ANKS1B: variants seen among roughly 807,000 people sequenced by gnomAD.
ANKS1B encodes the protein ankyrin repeat and sterile alpha motif domain containing 1B, also known as ankyrin repeat and sterile alpha motif domain-containing protein 1B.
In ANKS1B, 36 loss-of-function variants were observed where a neutral mutation model predicts 148.3. The observed-to-expected ratio is 0.24, with a 90% CI of 0.19 to 0.32. ANKS1B has a LOEUF of 0.32. ANKS1B is among the 10% of genes least tolerant of loss of function. The probability of loss-of-function intolerance (pLI) is 1.00; values close to 1 mark genes in which losing one functional copy is unlikely to be tolerated. For synonymous variants in ANKS1B, 542 were observed against 560.8 expected (o/e 0.97, Z 0.47); for missense variants, 1,157 against 1,542.6 (o/e 0.75, Z 4.19).
chr12:99,097,900 T>C (rs2056731677), intron 15 of ANKS1B, among the ~76,000 whole-genome samples: 2 of 152,214 alleles, frequency 1.3e-5, no homozygotes, highest in South Asian at 4.1e-4. Context: ...TGAAGAATAA[T>C]TAATTCTTCT....
intron 15 of ANKS1B, among the ~76,000 whole-genome samples, chr12:99,101,039 A>G (rs965076439): frequency 9.2e-5 from 14 of 152,184 alleles, no homozygotes; most frequent in African/African-American, 3.4e-4. Context: ...TGCAGCATGA[A>G]CAAGGGCAAT....
At chr12:99,310,898 T>C (rs2083051489) in intron 12 of ANKS1B, among the ~76,000 whole-genome samples, 1 of 152,180 alleles carries the variant, frequency 6.6e-6, no homozygotes, top group South Asian at 2.1e-4. Context: ...TTACTGCCTA[T>C]GTGACTCTCA....
rs190712013 is a variant in ANKS1B, at chr12:99,752,924, C to T, written c.1128+19998G>A. On this transcript the variant is annotated intron_variant, in intron 8 of 26. Coordinates refer to ENST00000683438, the MANE Select transcript of ANKS1B (RefSeq NM_001352186.2). ...TATGTCAAATTAACTTCCCTTTGTACTTAGTCATAGTCATACCCTGAGGCA... is the reference window on the plus strand; with the variant it reads ...TATGTCAAATTAACTTCCCTTTGTATTTAGTCATAGTCATACCCTGAGGCA... Among the ~76,000 whole-genome samples, 13 of 152,098 alleles carry T rather than the reference C, an allele frequency of 8.5e-5. No individual in the cohort carries two copies. In the East Asian group the frequency reaches 2.5e-3, roughly 29 times the overall value.
chr12:99,037,573 G>A (rs546771508), intron 17 of ANKS1B, among the ~76,000 whole-genome samples: 1 of 152,178 alleles, frequency 6.6e-6, no homozygotes, highest in East Asian at 1.9e-4. Flanking sequence ...AGCATCTATG[G>A]CACACAGGCA....
At chr12:98,996,812 C>CAAAAAAA (rs1160748107) in intron 17 of ANKS1B, among the ~76,000 whole-genome samples, 8 of 40,634 alleles carry the variant, frequency 2.0e-4, no homozygotes, top group South Asian at 1.6e-3. Context: ...GACTCTATCT[C>CAAAAAAA]AAAAAAAAAA....
chr12:99,299,248 A>G (rs911445490), intron 12 of ANKS1B, among the ~76,000 whole-genome samples: 1 of 151,946 alleles, frequency 6.6e-6, no homozygotes, highest in African/African-American at 2.4e-5. Context: ...TTTTGTAGAG[A>G]CGAGGTCTCG....
intron 8 of ANKS1B, among the ~76,000 whole-genome samples, chr12:99,675,972 T>A (rs1397575647): frequency 6.6e-6 from 1 of 152,146 alleles, no homozygotes; most frequent in Non-Finnish European, 1.5e-5. Context: ...TCAAATCTCA[T>A]CTTGAATTGT....
In ANKS1B at chr12:99,059,808, A is replaced by G. The variant is rs909824410; in HGVS notation, c.2626-6499T>C. On this transcript the variant is annotated intron_variant, in intron 16 of 26. Transcript: ENST00000683438. The stretch of plus-strand genomic sequence containing the variant: ...AAATTCATATATATATATATATATG[A>G]TAGGACGTGTAGACTAAAGGTCAGA... 1.8e-4 allele frequency among the ~76,000 whole-genome samples: 6 copies of G among 32,640 alleles called. No homozygotes were observed. The Admixed American group carries it at 2.5e-3, about 14-fold the overall frequency. The allele number at this position is 32,640 out of a possible 152,430, so 21.4% of individuals were successfully genotyped here.
At chr12:99,331,308 A>C (rs1441968054) in intron 12 of ANKS1B, among the ~76,000 whole-genome samples, 1 of 151,994 alleles carries the variant, frequency 6.6e-6, no homozygotes, top group Non-Finnish European at 1.5e-5. Flanking sequence ...GAAAAAGTCA[A>C]CTAGTAGCAG....
chr12:98,918,742 T>C (rs200793), intron 17 of ANKS1B, among the ~76,000 whole-genome samples: 24,333 of 152,208 alleles, frequency 0.16, 2,672 homozygotes, highest in African/African-American at 0.3. Context: ...ACTGAGTCCT[T>C]GTCACTTAAA....
chr12:99,656,238 C>T (rs1204819987), intron 8 of ANKS1B, among the ~76,000 whole-genome samples: 1 of 152,066 alleles, frequency 6.6e-6, no homozygotes, highest in East Asian at 1.9e-4. Context: ...GACAACATGG[C>T]AGCACGGTTT....
intron 15 of ANKS1B, among the ~76,000 whole-genome samples, chr12:99,138,310 A>C (rs1352919823): frequency 1.3e-5 from 2 of 152,230 alleles, no homozygotes; most frequent in Non-Finnish European, 2.9e-5. Flanking sequence ...TAGGTGAATA[A>C]ATCATTTTGG....
At chr12:99,426,902 C>T (rs1227358961) in intron 11 of ANKS1B, among the ~76,000 whole-genome samples, 3 of 152,172 alleles carry the variant, frequency 2.0e-5, no homozygotes, top group African/African-American at 7.2e-5. Context: ...CTAGATCTCA[C>T]CATTTCAGTA....
At chr12:99,595,633 CCTTT>C (rs1188535812) in intron 9 of ANKS1B, among the ~76,000 whole-genome samples, 15 of 151,834 alleles carry the variant, frequency 9.9e-5, no homozygotes, top group African/African-American at 3.1e-4. Flanking sequence ...CAAGGTCGTT[CCTTT>C]AATTTTATGA....
rs4444177 is a variant in ANKS1B at position 99,632,708 on chromosome 12, C to T, written c.1272+22359G>A. On this transcript the variant is annotated intron_variant, in intron 9 of 26. Coordinates refer to ENST00000683438, the MANE Select transcript of ANKS1B (RefSeq NM_001352186.2). ...GGGCCTGTTACTCCTTTCTTTTGGCCTGTGTCTTCCTTTTCTTTCTATATA... is the reference window on the plus strand; with the variant it reads ...GGGCCTGTTACTCCTTTCTTTTGGCTTGTGTCTTCCTTTTCTTTCTATATA... Among the ~76,000 whole-genome samples, 37 of 96,766 alleles carry T rather than the reference C, an allele frequency of 3.8e-4. 1 individual carries two copies. In the South Asian group the frequency reaches 0.013, roughly 34 times the overall value. The allele number at this position is 96,766 out of a possible 152,430, so 63.5% of individuals were successfully genotyped here.
rs538194412 is a variant in ANKS1B at position 99,919,865 on chromosome 12, T to C, written c.134+64239A>G. ...ATTAAAAATGTTTAGATTGATTACA[T>C]ATTGAAATAATATTTGGATTTATTG... is the stretch of plus-strand genomic sequence containing the variant. On this transcript the variant is annotated intron_variant, in intron 1 of 26. Coordinates refer to ENST00000683438, the MANE Select transcript of ANKS1B (RefSeq NM_001352186.2). 9.0e-4 allele frequency among the ~76,000 whole-genome samples: 137 copies of C among 152,166 alleles called. 2 individuals carry two copies. Among genetic ancestry groups the C allele is most frequent in the African/African-American group, 2.9e-3 (122 of 41,532 alleles).
chr12:99,035,597 C>A (rs902292422), intron 17 of ANKS1B, among the ~76,000 whole-genome samples: 1 of 152,104 alleles, frequency 6.6e-6, no homozygotes, highest in Admixed American at 6.5e-5. Flanking sequence ...TATGCCTTTT[C>A]TCTTAGTAAT....
intron 9 of ANKS1B, among the ~76,000 whole-genome samples, chr12:99,609,469 G>C (rs1727758676): frequency 6.6e-6 from 1 of 151,256 alleles, no homozygotes; most frequent in Admixed American, 6.6e-5. Flanking sequence ...TCAAAAGAAC[G>C]AAAGACCTTT....
intron 19 of ANKS1B, among the ~76,000 whole-genome samples, chr12:98,828,735 C>A (rs1026227021): frequency 6.6e-6 from 1 of 152,200 alleles, no homozygotes; most frequent in South Asian, 2.1e-4. Context: ...CAACTAGTCC[C>A]AGTAGAGCAT....
Sources: allele counts gnomAD v4.1 joint callset (sites outside exome capture counted in the v4.1 genomes callset), GRCh38; gene constraint gnomAD v4.1.1; transcripts MANE v1.5; gene names NCBI Gene and HGNC (gene_info 2026-07-23, HGNC 2026-07-21).